TRIM27: variants seen among roughly 807,000 people sequenced by gnomAD.
TRIM27 encodes tripartite motif containing 27, also known as zinc finger protein RFP.
TRIM27 carries 12 observed loss-of-function variants against 57.6 expected under a neutral mutation model. That is an observed-to-expected ratio of 0.21 (90% CI 0.13 to 0.34). TRIM27 has a LOEUF of 0.34. Among genes scored for constraint, TRIM27 ranks in the 10% least tolerant of loss-of-function variants. TRIM27 has a pLI of 1.00. For missense variants in TRIM27, 403 were observed against 656.8 expected, an observed-to-expected ratio of 0.61 and a Z score of 4.22; for synonymous variants, 266 against 259.0, an observed-to-expected ratio of 1.03 and a Z score of -0.26.
chr6:28,913,073 T>C (rs972917155), intron 3 of TRIM27, among the ~76,000 whole-genome samples: 4 of 151,896 alleles, frequency 2.6e-5, no homozygotes, highest in African/African-American at 9.7e-5. Flanking sequence ...CTGGCCAACA[T>C]GGAGAAACCC....
chr6:28,923,528 G>C lies in TRIM27; in HGVS notation c.105C>G (p.Ile35Met), dbSNP rs778772071. 1.3e-5 allele frequency: 21 copies of C among 1,611,944 alleles called. No individual in the cohort carries two copies. Among genetic ancestry groups the C allele is most frequent in the African/African-American group, 6.7e-5 (5 of 74,928 alleles). Residue 35 changes from isoleucine (I) to methionine (M), a missense_variant, in exon 1 of 8, where the codon ATC (isoleucine) becomes ATG (methionine). Coordinates refer to ENST00000377199, the MANE Select transcript of TRIM27 (RefSeq NM_006510.5). Reference sequence around the variant, plus strand: ...AGCAGCGGGCGAGGCACGCGCAACAGATGTTATGGCCGCAGTCGAGCATCA... The same window carrying C: ...AGCAGCGGGCGAGGCACGCGCAACACATGTTATGGCCGCAGTCGAGCATCA... ...EPMMLDCGHN[I>M]CCACLARCWG...
In TRIM27 at chr6:28,912,038, GCTTT is replaced by G. The variant is rs568266421; in HGVS notation, c.748-324_748-321del. Among the ~76,000 whole-genome samples the G allele has an allele frequency of 6.0e-3, 905 of 151,724 alleles. 7 individuals carry two copies. Among genetic ancestry groups the G allele is most frequent in the Middle Eastern group, 0.01 (3 of 290 alleles). The stretch of plus-strand genomic sequence containing the variant: ...TCAAGCTTGCCTACCTGTCCAGCTT[GCTTT>G]CTTTTTATTATGAAATAATTTCAAA... On this transcript the variant is annotated intron_variant, in intron 3 of 7. Transcript: ENST00000377199.
At chr6:28,906,362 C>T (rs1772770719) in intron 7 of TRIM27, 3 of 152,298 alleles carry the variant, frequency 2.0e-5, no homozygotes, top group Admixed American at 2.0e-4. Context: ...CCACAAAAGA[C>T]AGGCAACTGA....
intron 4 of TRIM27, chr6:28,911,209 T>G (rs1464598452): frequency 2.4e-5 from 1 of 42,046 alleles, no homozygotes; most frequent in African/African-American, 2.1e-4. Flanking sequence ...TCTTCCTCAC[T>G]TTTTTTTTTT....
At chr6:28,918,993 CATTTTT>C (rs763996696) in intron 3 of TRIM27, among the ~76,000 whole-genome samples, 39 of 152,014 alleles carry the variant, frequency 2.6e-4, no homozygotes, top group Non-Finnish European at 4.3e-4. Flanking sequence ...TGCCATCATC[CATTTTT>C]ATTTTTATTT....
chr6:28,916,864 G>A (rs1393965572), intron 3 of TRIM27, among the ~76,000 whole-genome samples: 1 of 152,178 alleles, frequency 6.6e-6, no homozygotes, highest in East Asian at 1.9e-4. Flanking sequence ...CTGGAAGGCT[G>A]GATGTGGTGG....
intron 3 of TRIM27, among the ~76,000 whole-genome samples, chr6:28,912,859 A>G (rs1773311658): frequency 6.6e-6 from 1 of 152,198 alleles, no homozygotes; most frequent in Non-Finnish European, 1.5e-5. Context: ...ACATGTTCAT[A>G]ATTTGTAAAG....
At chr6:28,914,723 A>C (rs1773480099) in intron 3 of TRIM27, 1 of 151,996 alleles carries the variant, frequency 6.6e-6, no homozygotes, top group Non-Finnish European at 1.5e-5. Flanking sequence ...TGCATTTATG[A>C]ATGTGAAGGA....
chr6:28,917,245 G>C (rs1413616283), intron 3 of TRIM27, among the ~76,000 whole-genome samples: 5 of 152,090 alleles, frequency 3.3e-5, no homozygotes, highest in Non-Finnish European at 5.9e-5. Flanking sequence ...GCCCACGCCA[G>C]AGCAGTCAAG....
intron 4 of TRIM27, among the ~76,000 whole-genome samples, chr6:28,910,627 A>C (rs1265684134): frequency 6.6e-6 from 1 of 152,082 alleles, no homozygotes; most frequent in Non-Finnish European, 1.5e-5. Context: ...ACCGCACCCA[A>C]CCTGCACATT....
chr6:28,923,386 T>C lies in TRIM27; in HGVS notation c.247A>G (p.Thr83Ala), dbSNP rs914036518. ...NVTQLVKQLR[T>A]ERPSGPGGEM... ...CCGCCGGGCCCCGACGGCCGCTCGG[T>C]GCGCAGCTGCTTTACCAGTTGGGTC... The change falls in exon 1 of 8, where the codon ACC (threonine) becomes GCC (alanine). Residue 83 changes from threonine to alanine, a missense_variant. Transcript: ENST00000377199. 5 of 1,612,156 alleles carry C rather than the reference T, an allele frequency of 3.1e-6. No individual in the cohort carries two copies. Among genetic ancestry groups the C allele is most frequent in the Non-Finnish European group, 4.2e-6 (5 of 1,179,642 alleles).
intron 3 of TRIM27, among the ~76,000 whole-genome samples, chr6:28,913,014 G>C (rs1244051591): frequency 6.6e-6 from 1 of 152,098 alleles, no homozygotes; most frequent in African/African-American, 2.4e-5. Flanking sequence ...CCAGCACTTT[G>C]GGAGGTCCAG....
chr6:28,908,621 A>C, intron 6 of TRIM27, 187 bp downstream of exon 6: 1 of 577,590 alleles, frequency 1.7e-6, no homozygotes, highest in Non-Finnish European at 3.0e-6. Flanking sequence ...AATACAGTTA[A>C]CAAACTTCAA....
At chr6:28,906,268 C>A (rs1337496266) in intron 7 of TRIM27, 2 of 151,994 alleles carry the variant, frequency 1.3e-5, no homozygotes, top group African/African-American at 4.8e-5. Context: ...GATATGTATT[C>A]TCTCATTTGC....
At position 28,904,994 on chromosome 6, in the gene TRIM27, C is replaced by T; in HGVS notation, c.947-329G>A. On this transcript the variant is annotated intron_variant, in intron 7 of 7. Coordinates refer to ENST00000377199, the MANE Select transcript of TRIM27 (RefSeq NM_006510.5). The surrounding 1 kb of genome is among the most constrained non-coding windows in gnomAD (Gnocchi z 6.1). Reference sequence around the variant, plus strand: ...GTGGTGTGGTCATAGTTCATTGTAACCCCAAACTCCTGGGCTCAGGTGATT... The same window carrying T: ...GTGGTGTGGTCATAGTTCATTGTAATCCCAAACTCCTGGGCTCAGGTGATT... 1.0e-5 allele frequency: 3 copies of T among 298,910 alleles called. No homozygotes were observed. Among genetic ancestry groups the T allele is most frequent in the Non-Finnish European group, 1.9e-5 (3 of 160,226 alleles). The allele number at this position is 298,910 out of a possible 1,614,324, so 18.5% of individuals were successfully genotyped here.
Position 28,923,701 on chromosome 6 carries a change from G to A in TRIM27, c.-69C>T, listed in dbSNP as rs1774252239. On this transcript the variant is annotated 5_prime_UTR_variant, in exon 1 of 8. Transcript: ENST00000377199. ...AGCTCTGCACTGAGCCCAACTCTCC[G>A]GCGCTCTCTCCGGTTCGCTGTTCCT... The A allele has an allele frequency of 7.0e-7, 1 of 1,427,014 alleles. No homozygotes were observed. Among genetic ancestry groups the A allele is most frequent in the East Asian group, 2.5e-5 (1 of 39,388 alleles). The allele number at this position is 1,427,014 out of a possible 1,614,324, so 88.4% of individuals were successfully genotyped here.
rs79571250 is a variant in TRIM27, at chr6:28,904,847, G to C, written c.947-182C>G. The C allele has an allele frequency of 0.026, 14,966 of 578,504 alleles. 391 individuals carry two copies. Among genetic ancestry groups the C allele is most frequent in the African/African-American group, 0.082 (4,422 of 53,800 alleles). 35.8% of individuals were successfully genotyped at this position (578,504 alleles called of 1,614,324 possible). A position where few individuals can be genotyped will look rare whatever the true frequency, so the allele number is the denominator to read the frequency against. On this transcript the variant is annotated intron_variant, in intron 7 of 7. Coordinates refer to ENST00000377199, the MANE Select transcript of TRIM27 (RefSeq NM_006510.5). This position sits in a 1 kb window ranked among gnomAD's most constrained non-coding sequence, Gnocchi z 6.1. ...TACTGCTTGGATTAGCTGGTTACCA[G>C]AATACTCTGAAAATACAGAATTTTA... is the stretch of plus-strand genomic sequence containing the variant.
At chr6:28,918,390 C>A (rs1054952319) in intron 3 of TRIM27, among the ~76,000 whole-genome samples, 44 of 151,990 alleles carry the variant, frequency 2.9e-4, no homozygotes, top group Admixed American at 2.8e-3. Context: ...GCTCCTGCCC[C>A]AATTATTCCA....
At chr6:28,910,593 A>T (rs1435500651) in intron 4 of TRIM27, among the ~76,000 whole-genome samples, 1 of 151,986 alleles carries the variant, frequency 6.6e-6, no homozygotes, top group East Asian at 1.9e-4. Context: ...GCCTCCCAAA[A>T]TGCTGGGATT....
Sources: allele counts gnomAD v4.1 joint callset (sites outside exome capture counted in the v4.1 genomes callset), GRCh38; gene constraint gnomAD v4.1.1; non-coding constraint Gnocchi (gnomAD v3.1); transcripts MANE v1.5; gene names NCBI Gene and HGNC (gene_info 2026-07-23, HGNC 2026-07-21).